Variants in CCDC186 observed in about 807,000 individuals in gnomAD.
CCDC186 encodes coiled-coil domain containing 186, also known as coiled-coil domain-containing protein 186.
Under a neutral mutation model 113.7 loss-of-function variants are expected in CCDC186, and 49 were observed. The ratio of observed to expected loss-of-function variants is 0.43; its 90% CI spans 0.34 to 0.55. The LOEUF (loss-of-function observed/expected upper bound fraction) is 0.55, where lower values mean the gene tolerates loss of function less well. Among genes scored for constraint, CCDC186 ranks in the 20% least tolerant of loss-of-function variants. The pLI, the probability that CCDC186 is intolerant of heterozygous loss-of-function variation, is 0.02. For missense variants in CCDC186, 890 were observed against 1,011.1 expected (o/e 0.88, Z 1.62); for synonymous variants, 355 against 345.8 (o/e 1.03, Z -0.30).
intron 15 of CCDC186, 91 bp downstream of exon 15, chr10:114,125,795 A>C (rs2030880883): frequency 9.2e-7 from 1 of 1,083,766 alleles, no homozygotes. Flanking sequence ...TGCATTACAG[A>C]AACAGCCCAG....
chr10:114,172,307 T>C (rs988290526), intron 1 of CCDC186, among the ~76,000 whole-genome samples: 8 of 152,260 alleles, frequency 5.3e-5, no homozygotes, highest in Non-Finnish European at 8.8e-5. Context: ...GTCAGTATAC[T>C]GCAATGCTTT....
chr10:114,151,246 AT>A (rs761784754), intron 3 of CCDC186, 26 bp from the exon 4 acceptor site: 11 of 1,438,196 alleles, frequency 7.6e-6, no homozygotes, highest in Non-Finnish European at 1.1e-5. Context: ...TTTCCAAATT[AT>A]TTTTATAGCT....
At position 114,164,112 on chromosome 10, in the gene CCDC186, A is replaced by ATTT. The variant is rs1383372775; in HGVS notation, c.-61-784_-61-783insAAA. On this transcript the variant is annotated intron_variant, in intron 1 of 15. Transcript: ENST00000369287. Reference sequence around the variant, plus strand: ...TGTGTGTGTGTGTGTGTATATATATATATTTTTTTTTTTTTTTTTTTTTTT... The same window carrying ATTT: ...TGTGTGTGTGTGTGTGTATATATATATTTTATTTTTTTTTTTTTTTTTTTTTTT... 1.4e-3 allele frequency among the ~76,000 whole-genome samples: 147 copies of ATTT among 103,378 alleles called. 11 individuals carry two copies. The highest frequency in any genetic ancestry group is 4.9e-3 in the African/African-American group (124 of 25,080). 67.8% of individuals were successfully genotyped at this position (103,378 alleles called of 152,430 possible).
chr10:114,161,228 C>T (rs1427461763), intron 2 of CCDC186, among the ~76,000 whole-genome samples: 1 of 152,188 alleles, frequency 6.6e-6, no homozygotes, highest in African/African-American at 2.4e-5. Context: ...TCACAAAGCT[C>T]AGATTTTAAC....
intron 6 of CCDC186, 130 bp from the exon 7 acceptor site, chr10:114,137,420 AT>A: frequency 1.6e-6 from 1 of 622,714 alleles, no homozygotes; most frequent in Non-Finnish European, 2.8e-6. Flanking sequence ...TAGCAATAAT[AT>A]TTTATGTTTC....
chr10:114,166,717 G>C (rs1324848021), intron 1 of CCDC186, among the ~76,000 whole-genome samples: 1 of 152,210 alleles, frequency 6.6e-6, no homozygotes, highest in African/African-American at 2.4e-5. Flanking sequence ...TTTACACAGT[G>C]ATCTAGGGAG....
At chr10:114,149,762 AAGGAAGGAAGGAAGGCAGGAAGGC>A (rs1312722290) in intron 4 of CCDC186, among the ~76,000 whole-genome samples, 625 of 15,450 alleles carry the variant, frequency 0.04, 2 homozygotes, top group Middle Eastern at 0.14. Flanking sequence ...GGCAGGAAGG[AAGGAAGGAAGGAAGGCAGGAAGGC>A]AGGAAGGAAG....
Position 114,137,192 on chromosome 10 carries a change from T to C in CCDC186, c.1320A>G (p.Thr440=), listed in dbSNP as rs778437689. 4.4e-6 allele frequency: 7 copies of C among 1,606,468 alleles called. No individual in the cohort carries two copies. The highest frequency in any genetic ancestry group is 1.1e-5 in the South Asian group (1 of 90,930). ...TTTTAAAAGTTATGCATACCTGATA[T>C]GTTTTTATCATATCCTGACAGTTTT... ...IRKNCQDMIK[T]YQESEEIKSN... is the part of the protein sequence containing the mutation. Residue 440 remains threonine (T), a synonymous_variant, in exon 7 of 16, where the codon ACA becomes ACG. Coordinates refer to ENST00000369287, the MANE Select transcript of CCDC186 (RefSeq NM_018017.4).
At chr10:114,126,319 C>T (rs1256852384) in intron 14 of CCDC186, among the ~76,000 whole-genome samples, 1 of 152,076 alleles carries the variant, frequency 6.6e-6, no homozygotes, top group Non-Finnish European at 1.5e-5. Flanking sequence ...ATAAACATTG[C>T]TTTTCTATTT....
chr10:114,154,210 C>CA (rs1276405190), intron 3 of CCDC186, among the ~76,000 whole-genome samples: 852 of 80,962 alleles, frequency 0.011, 6 homozygotes, highest in South Asian at 0.015. Flanking sequence ...GACCTTGTCT[C>CA]AAAAAAAAAA....
intron 2 of CCDC186, among the ~76,000 whole-genome samples, chr10:114,161,301 C>CAGCACATG (rs1276890925): frequency 6.6e-6 from 1 of 152,200 alleles, no homozygotes; most frequent in East Asian, 1.9e-4. Flanking sequence ...CTTCAGGTAA[C>CAGCACATG]TCATCTGTAC....
chr10:114,129,737 C>T (rs1261966657), intron 13 of CCDC186, among the ~76,000 whole-genome samples, 154 bp downstream of exon 13: 1 of 152,024 alleles, frequency 6.6e-6, no homozygotes, highest in Non-Finnish European at 1.5e-5. Flanking sequence ...TCCATGTTGG[C>T]CAGACTGGTC....
At chr10:114,144,442 A>C (rs1012080026) in intron 6 of CCDC186, 55 bp downstream of exon 6, 1 of 1,557,648 alleles carries the variant, frequency 6.4e-7, no homozygotes, top group Admixed American at 2.1e-5. Context: ...CAAAAACAAA[A>C]ACAAAAACAA....
At chr10:114,149,749 GA>G (rs1467535182) in intron 4 of CCDC186, among the ~76,000 whole-genome samples, 1 of 40,058 alleles carries the variant, frequency 2.5e-5, no homozygotes, top group Non-Finnish European at 5.8e-5. Context: ...AGGAAGGCAG[GA>G]AGGCAGGAAG....
intron 10 of CCDC186, among the ~76,000 whole-genome samples, chr10:114,133,446 A>C (rs528597996): frequency 1.8e-4 from 27 of 152,278 alleles, no homozygotes; most frequent in African/African-American, 6.5e-4. Context: ...TTGTGCCTGG[A>C]GCTTAGTGAA....
intron 13 of CCDC186, 65 bp downstream of exon 13, chr10:114,129,826 G>A (rs2031030044): frequency 6.8e-7 from 1 of 1,481,092 alleles, no homozygotes; most frequent in Non-Finnish European, 9.4e-7. Context: ...CATCACACCT[G>A]GCCAAAAATG....
At chr10:114,131,885 G>T in intron 11 of CCDC186, 44 bp downstream of exon 11, 2 of 1,511,680 alleles carry the variant, frequency 1.3e-6, no homozygotes, top group Non-Finnish European at 8.9e-7. Flanking sequence ...AATTTAATTT[G>T]TGCTTGTTAC....
intron 1 of CCDC186, among the ~76,000 whole-genome samples, chr10:114,166,927 C>T (rs2032350148): frequency 1.3e-5 from 2 of 151,436 alleles, no homozygotes; most frequent in Non-Finnish European, 1.5e-5. Flanking sequence ...AAGGCAAGTA[C>T]TTTCTGTAAC....
intron 3 of CCDC186, among the ~76,000 whole-genome samples, chr10:114,155,971 A>AAAC (rs34202974): frequency 0.077 from 11,747 of 152,090 alleles, 535 homozygotes; most frequent in Middle Eastern, 0.14. Context: ...TTCTCTTTAA[A>AAAC]AACAACAACA....
Sources: gnomAD v4.1 joint callset for allele counts (sites outside exome capture counted in the v4.1 genomes callset) on GRCh38, gnomAD v4.1.1 for gene constraint, MANE v1.5 for transcripts, NCBI Gene and HGNC (gene_info 2026-07-23, HGNC 2026-07-21) for gene names.